Variants in PDE7B observed in about 807,000 individuals in gnomAD.
PDE7B encodes the protein phosphodiesterase 7B, also known as 3',5'-cyclic-AMP phosphodiesterase 7B.
Under a neutral mutation model 56.2 loss-of-function variants are expected in PDE7B, and 29 were observed. The ratio of observed to expected loss-of-function variants is 0.52; its 90% CI spans 0.38 to 0.70. PDE7B has a LOEUF of 0.70. PDE7B is among the 30% of genes least tolerant of loss of function. The pLI, the probability that PDE7B is intolerant of heterozygous loss-of-function variation, is 0.00. For synonymous variants in PDE7B, 197 were observed against 196.9 expected (o/e 1.00, Z 0.00); for missense variants, 490 against 565.0 (o/e 0.87, Z 1.35).
chr6:136,178,717 G>T (rs1201811898), intron 9 of PDE7B, among the ~76,000 whole-genome samples: 1 of 152,046 alleles, frequency 6.6e-6, no homozygotes, highest in African/African-American at 2.4e-5. Context: ...TTTCTATTTG[G>T]CTTTCAGATT....
At chr6:136,132,794 T>G (rs749672154) in intron 3 of PDE7B, among the ~76,000 whole-genome samples, 17 of 152,160 alleles carry the variant, frequency 1.1e-4, no homozygotes, top group Non-Finnish European at 2.1e-4. Context: ...CTTTCTTCTC[T>G]CTGAACTAGT....
intron 8 of PDE7B, 32 bp downstream of exon 8, chr6:136,155,790 T>A: frequency 6.2e-7 from 1 of 1,611,208 alleles, no homozygotes; most frequent in Non-Finnish European, 8.5e-7. Context: ...CCAGCCACAG[T>A]ATGGTCAATC....
chr6:135,889,080 T>G (rs1446499125), intron 1 of PDE7B, among the ~76,000 whole-genome samples: 1 of 152,168 alleles, frequency 6.6e-6, no homozygotes, highest in East Asian at 1.9e-4. Context: ...ACTCAGCAGG[T>G]TGATCTTCCA....
At chr6:136,099,426 C>T (rs1420138928) in intron 2 of PDE7B, among the ~76,000 whole-genome samples, 1 of 152,210 alleles carries the variant, frequency 6.6e-6, no homozygotes, top group African/African-American at 2.4e-5. Flanking sequence ...TCCACATCCT[C>T]TCCAGCATCT....
At chr6:136,070,432 C>A (rs1052881493) in intron 2 of PDE7B, 7 of 151,978 alleles carry the variant, frequency 4.6e-5, no homozygotes, top group African/African-American at 1.7e-4. Context: ...GCTTTCAGGC[C>A]TATATTTTTC....
intron 2 of PDE7B, among the ~76,000 whole-genome samples, chr6:136,077,705 A>T (rs1447061468): frequency 1.3e-5 from 2 of 152,250 alleles, no homozygotes; most frequent in East Asian, 1.9e-4. Context: ...GTAAATTTTT[A>T]AAATTATTAT....
At chr6:135,970,710 C>T (rs1775079784) in intron 2 of PDE7B, among the ~76,000 whole-genome samples, 1 of 152,102 alleles carries the variant, frequency 6.6e-6, no homozygotes, top group Non-Finnish European at 1.5e-5. Context: ...TTAGAGATCA[C>T]ATTTGCTTTT....
At chr6:136,047,922 G>T (rs1278207840) in intron 2 of PDE7B, among the ~76,000 whole-genome samples, 2 of 152,188 alleles carry the variant, frequency 1.3e-5, no homozygotes, top group African/African-American at 4.8e-5. Flanking sequence ...CAATAAAGTG[G>T]AAATAATACT....
chr6:135,987,720 C>A (rs776217896), intron 2 of PDE7B, among the ~76,000 whole-genome samples: 8 of 152,138 alleles, frequency 5.3e-5, no homozygotes, highest in Non-Finnish European at 8.8e-5. Flanking sequence ...TTTTACTAAG[C>A]AGGGCCTTTA....
At chr6:136,070,446 T>C (rs1275913363) in intron 2 of PDE7B, 1 of 152,194 alleles carries the variant, frequency 6.6e-6, no homozygotes, top group African/African-American at 2.4e-5. Flanking sequence ...ATTTTTCACA[T>C]TTTATATGAC....
At chr6:136,139,877 G>A (rs1475798177) in intron 3 of PDE7B, among the ~76,000 whole-genome samples, 2 of 152,106 alleles carry the variant, frequency 1.3e-5, no homozygotes. Flanking sequence ...TTAGCCCTTT[G>A]TCAGATGAGT....
intron 2 of PDE7B, among the ~76,000 whole-genome samples, chr6:135,979,111 C>T (rs1036266526): frequency 9.9e-5 from 15 of 151,788 alleles, no homozygotes; most frequent in Non-Finnish European, 1.6e-4. Context: ...TGTCAAAGGC[C>T]TTTTCTGCAT....
At chr6:135,874,501 G>A (rs1248031312) in intron 1 of PDE7B, among the ~76,000 whole-genome samples, 2 of 152,068 alleles carry the variant, frequency 1.3e-5, no homozygotes, top group African/African-American at 4.8e-5. Context: ...ATTTGAAGTG[G>A]TTACTTTAGA....
chr6:136,005,424 A>G (rs1163238271), intron 2 of PDE7B, among the ~76,000 whole-genome samples: 1 of 152,116 alleles, frequency 6.6e-6, no homozygotes, highest in Non-Finnish European at 1.5e-5. Context: ...GGCAACCTAC[A>G]AAATGGGAGA....
chr6:135,855,422 A>G (rs999378799), intron 1 of PDE7B, among the ~76,000 whole-genome samples: 2 of 152,178 alleles, frequency 1.3e-5, no homozygotes, highest in Non-Finnish European at 2.9e-5. Context: ...TCTGAGAAGG[A>G]GGCAGTGATG....
At chr6:136,171,687 G>A (rs1053727038) in intron 8 of PDE7B, among the ~76,000 whole-genome samples, 25 of 151,532 alleles carry the variant, frequency 1.6e-4, no homozygotes, top group African/African-American at 5.3e-4. Flanking sequence ...TGCACAATGT[G>A]CAGGTTAGTT....
intron 11 of PDE7B, among the ~76,000 whole-genome samples, chr6:136,184,349 A>C (rs929831698): frequency 2.0e-5 from 3 of 152,230 alleles, no homozygotes; most frequent in Non-Finnish European, 4.4e-5. Flanking sequence ...GAGAAGATCC[A>C]GTACCTTGAA....
chr6:135,951,248 A>G (rs1774693932), intron 2 of PDE7B, among the ~76,000 whole-genome samples: 1 of 152,162 alleles, frequency 6.6e-6, no homozygotes, highest in Non-Finnish European at 1.5e-5. Flanking sequence ...ATAAGATTTC[A>G]CTCAAGTTCA....
chr6:136,038,469 T>G (rs917959766), intron 2 of PDE7B: 1 of 1,290,012 alleles, frequency 7.8e-7, no homozygotes, highest in Non-Finnish European at 1.0e-6. Context: ...AAAAGTGAGC[T>G]GCAGGCGACC....
Sources: gnomAD v4.1 joint callset for allele counts (sites outside exome capture counted in the v4.1 genomes callset) on GRCh38, gnomAD v4.1.1 for gene constraint, MANE v1.5 for transcripts, NCBI Gene and HGNC (gene_info 2026-07-23, HGNC 2026-07-21) for gene names.